Variants in AGTPBP1 observed in about 807,000 individuals in gnomAD.
AGTPBP1 encodes cytosolic carboxypeptidase 1.
In AGTPBP1, 70 loss-of-function variants were observed where a neutral mutation model predicts 143.9. That is an observed-to-expected ratio of 0.49 (90% confidence interval 0.40 to 0.59). AGTPBP1 has a LOEUF of 0.59. AGTPBP1 is among the 20% of genes least tolerant of loss of function. The pLI, the probability that AGTPBP1 is intolerant of heterozygous loss-of-function variation, is 0.00. For missense variants in AGTPBP1, 1,229 were observed against 1,464.5 expected (o/e 0.84, Z 2.62); for synonymous variants, 463 against 500.2 (o/e 0.93, Z 0.99).
chr9:85,623,674 T>C (rs950228839), intron 14 of AGTPBP1, among the ~76,000 whole-genome samples: 5 of 151,784 alleles, frequency 3.3e-5, no homozygotes, highest in African/African-American at 9.7e-5. Context: ...GGAGAATTGC[T>C]TGAACCTGAA....
At chr9:85,804,815 G>A in the AGTPBP1 span, among the ~76,000 whole-genome samples, 1 of 152,188 alleles carries the variant, frequency 6.6e-6, no homozygotes, top group African/African-American at 2.4e-5. Flanking sequence ...TCCTTACAGA[G>A]ATCTGATGCA....
chr9:85,776,213 G>A, the AGTPBP1 span, among the ~76,000 whole-genome samples: 53 of 152,302 alleles, frequency 3.5e-4, no homozygotes, highest in African/African-American at 1.3e-3. Context: ...AAGGAAAAAG[G>A]AAATAAAATG....
chr9:85,547,155 T>C lies in AGTPBP1; in HGVS notation c.3635A>G (p.Glu1212Gly). The C allele has an allele frequency of 6.2e-7, 1 of 1,613,226 alleles. No individual in the cohort carries two copies. The highest frequency in any genetic ancestry group is 8.5e-7 in the Non-Finnish European group (1 of 1,179,688). The change falls in exon 26 of 26, where the codon GAA (glutamate) becomes GGA (glycine). Residue 1212 changes from glutamate to glycine, a missense_variant. By Grantham distance (98) the Glu-to-Gly change is moderately conservative. This residue lies in a region of AGTPBP1 where 486 missense variants were observed against 652.3 expected (regional missense o/e 0.75). Coordinates refer to ENST00000357081, the MANE Select transcript of AGTPBP1 (RefSeq NM_001330701.2). ...NVGDYEPSAQ[E>G]EVLSDSELSR... Reference sequence around the variant, plus strand: ...TAATTCAGAGTCAGAAAGTACTTCTTCTTGAGCAGAAGGTTCATAATCTCC... The same window carrying C: ...TAATTCAGAGTCAGAAAGTACTTCTCCTTGAGCAGAAGGTTCATAATCTCC...
At position 85,589,393 on chromosome 9, in the gene AGTPBP1, A is replaced by T. The variant is rs1283552457; in HGVS notation, c.2722+135T>A. The T allele has an allele frequency of 6.1e-6, 7 of 1,154,698 alleles. No individual in the cohort carries two copies. In the Admixed American group the frequency reaches 1.7e-4, roughly 28 times the overall value. 71.5% of individuals were successfully genotyped at this position (1,154,698 alleles called of 1,614,324 possible). A position where few individuals can be genotyped will look rare whatever the true frequency, so the allele number is the denominator to read the frequency against. On this transcript the variant is annotated intron_variant, in intron 20 of 25. Transcript: ENST00000357081. Reference sequence around the variant, plus strand: ...CAGAGGTGGGCTCATGGCTAGCTAGATAATAGCAGGGCCAAGACTAGAGCC... The same window carrying T: ...CAGAGGTGGGCTCATGGCTAGCTAGTTAATAGCAGGGCCAAGACTAGAGCC...
At chr9:85,722,475 T>C (rs1458445061) in intron 1 of AGTPBP1, among the ~76,000 whole-genome samples, 1 of 152,242 alleles carries the variant, frequency 6.6e-6, no homozygotes, top group African/African-American at 2.4e-5. Context: ...CTATTGAAGC[T>C]TGTGCATGCG....
chr9:85,659,215 G>A (rs545247522), intron 9 of AGTPBP1, among the ~76,000 whole-genome samples: 1 of 152,206 alleles, frequency 6.6e-6, no homozygotes, highest in African/African-American at 2.4e-5. Flanking sequence ...CATTAGTAAA[G>A]GGAACTTTAT....
At chr9:85,751,368 A>T in the AGTPBP1 span, among the ~76,000 whole-genome samples, 1 of 152,242 alleles carries the variant, frequency 6.6e-6, no homozygotes, top group African/African-American at 2.4e-5. Flanking sequence ...AGAAAAGTGA[A>T]ATTTAAAATA....
At chr9:85,689,976 T>C (rs1289038764) in intron 3 of AGTPBP1, among the ~76,000 whole-genome samples, 1 of 143,036 alleles carries the variant, frequency 7.0e-6, no homozygotes, top group Non-Finnish European at 1.5e-5. Context: ...TACCAGGTGC[T>C]GGGTCAAATA....
the AGTPBP1 span, among the ~76,000 whole-genome samples, chr9:85,755,085 A>G: frequency 9.2e-5 from 14 of 152,328 alleles, no homozygotes; most frequent in Admixed American, 2.0e-4. Flanking sequence ...TTATAAGATT[A>G]TACTATTAAT....
intron 13 of AGTPBP1, among the ~76,000 whole-genome samples, chr9:85,634,520 G>A (rs1048873646): frequency 1.1e-4 from 16 of 152,188 alleles, no homozygotes; most frequent in African/African-American, 3.9e-4. Flanking sequence ...ATAAGAATTT[G>A]GGTTTTTACT....
rs141165389 is a variant in AGTPBP1 at position 85,633,096 on chromosome 9, G to C, written c.1581C>G (p.Asn527Lys). 6.2e-7 allele frequency: 1 copy of C among 1,614,100 alleles called. No individual in the cohort carries two copies. The highest frequency in any genetic ancestry group is 1.3e-5 in the African/African-American group (1 of 75,034). Residue 527 changes from asparagine (N) to lysine (K), a missense_variant, in exon 14 of 26, where the codon AAC becomes AAG. Asn to Lys is a moderately conservative substitution (Grantham distance 94). Transcript: ENST00000357081. ...GGTCCAAGGCCTTTACAATATCATT[G>C]TTTAAACCATGGACTGATGAAATAG... ...NRTISSVHGL[N>K]NDIVKALDRI... is the part of the protein sequence containing the mutation.
intron 23 of AGTPBP1, among the ~76,000 whole-genome samples, chr9:85,583,260 A>G (rs2133138288): frequency 6.6e-6 from 1 of 152,224 alleles, no homozygotes; most frequent in Admixed American, 6.5e-5. Flanking sequence ...TTGTTTTGCT[A>G]TGTTTGTTGT....
intron 10 of AGTPBP1, among the ~76,000 whole-genome samples, chr9:85,657,113 T>C (rs1422087207): frequency 2.0e-5 from 3 of 150,482 alleles, no homozygotes; most frequent in Non-Finnish European, 4.4e-5. Context: ...TGCACCAGCA[T>C]GGCACATGTA....
At chr9:85,602,056 C>T (rs918703918) in intron 17 of AGTPBP1, among the ~76,000 whole-genome samples, 1 of 151,908 alleles carries the variant, frequency 6.6e-6, no homozygotes, top group African/African-American at 2.4e-5. Flanking sequence ...ACCAGATGTG[C>T]CAATAATAAC....
intron 25 of AGTPBP1, among the ~76,000 whole-genome samples, chr9:85,570,075 C>A (rs1451460838): frequency 6.6e-6 from 1 of 152,082 alleles, no homozygotes; most frequent in South Asian, 2.1e-4. Context: ...CAGTAACAAA[C>A]CCCATATATC....
At position 85,646,126 on chromosome 9, in the gene AGTPBP1, T is replaced by C. The variant is rs183403302; in HGVS notation, c.1185+195A>G. Among the ~76,000 whole-genome samples the C allele has an allele frequency of 2.5e-3, 387 of 152,284 alleles. 3 individuals are homozygous for C. Among genetic ancestry groups the C allele is most frequent in the African/African-American group, 9.1e-3 (377 of 41,556 alleles). Reference sequence around the variant, plus strand: ...TCTGGTCAGAGAGAGTGAAAATAAGTTACTTTAAGGTCCTTTTCAGACCAG... The same window carrying C: ...TCTGGTCAGAGAGAGTGAAAATAAGCTACTTTAAGGTCCTTTTCAGACCAG... On this transcript the variant is annotated intron_variant, in intron 12 of 25. Transcript: ENST00000357081.
chr9:85,739,749 C>T (rs1221849946), intron 1 of AGTPBP1, among the ~76,000 whole-genome samples: 4 of 148,772 alleles, frequency 2.7e-5, no homozygotes, highest in African/African-American at 9.9e-5. Context: ...CTTGGTGGCT[C>T]ACGCCTGTAA....
At chr9:85,761,160 G>A in the AGTPBP1 span, among the ~76,000 whole-genome samples, 2 of 152,138 alleles carry the variant, frequency 1.3e-5, no homozygotes, top group African/African-American at 4.8e-5. Context: ...CATACTCATG[G>A]GTAGGAAGAA....
rs1829978121 is a variant in AGTPBP1, at chr9:85,606,192, ACAACT to A, written c.2336-9748_2336-9744del. On this transcript the variant is annotated intron_variant, in intron 17 of 25. Coordinates refer to ENST00000357081, the MANE Select transcript of AGTPBP1 (RefSeq NM_001330701.2). ...TATCCAAAATATACAAGGAACTCAA[ACAACT>A]CAATAGTAAAAAATAATCATAATAA... is the stretch of plus-strand genomic sequence containing the variant. Among the ~76,000 whole-genome samples, 5 of 152,040 alleles carry A rather than the reference ACAACT, an allele frequency of 3.3e-5. No homozygotes were observed. In the South Asian group the frequency reaches 1.0e-3, roughly 31 times the overall value.
Sources: gnomAD v4.1 joint callset for allele counts (sites outside exome capture counted in the v4.1 genomes callset) on GRCh38, gnomAD v4.1.1 for gene constraint, gnomAD v4.1.1 regional missense constraint, MANE v1.5 for transcripts, NCBI Gene and HGNC (gene_info 2026-07-23, HGNC 2026-07-21) for gene names.